The following ITPR2 variants were observed in gnomAD, a reference collection of about 807,000 sequenced individuals.
ITPR2 encodes the protein inositol 1,4,5-trisphosphate-gated calcium channel ITPR2.
A neutral mutation model predicts 317.1 loss-of-function variants in ITPR2; 207 were observed. The ratio of observed to expected loss-of-function variants is 0.65; its 90% CI spans 0.58 to 0.73. The LOEUF (loss-of-function observed/expected upper bound fraction) is 0.73. Among genes scored for constraint, ITPR2 ranks in the 30% least tolerant of loss-of-function variants. The pLI is 0.00. For synonymous variants in ITPR2, 1,156 were observed against 1,149.1 expected, an observed-to-expected ratio of 1.01 and a Z score of -0.12; for missense variants, 2,613 against 3,284.0, an observed-to-expected ratio of 0.80 and a Z score of 4.99.
At chr12:26,547,858 T>G (rs1049037008) in intron 37 of ITPR2, among the ~76,000 whole-genome samples, 4 of 152,252 alleles carry the variant, frequency 2.6e-5, no homozygotes, top group African/African-American at 9.6e-5. Flanking sequence ...TCTGCCTATG[T>G]CTTAAAATTT....
Position 26,589,853 on chromosome 12 carries a change from TACACACACAC to T in ITPR2, c.4380+5602_4380+5611del, listed in dbSNP as rs56044866. Among the ~76,000 whole-genome samples, 418 of 57,268 alleles carry T rather than the reference TACACACACAC, an allele frequency of 7.3e-3. 7 individuals carry two copies. The highest frequency in any genetic ancestry group is 0.02 in the African/African-American group (361 of 17,646). The allele number at this position is 57,268 out of a possible 152,430, so 37.6% of individuals were successfully genotyped here. On this transcript the variant is annotated intron_variant, in intron 32 of 56. Coordinates refer to ENST00000381340, the MANE Select transcript of ITPR2 (RefSeq NM_002223.4). Reference sequence around the variant, plus strand: ...ATAAACATATATATATATATATATATACACACACACACACACACACACACACACACACATA... The same window carrying T: ...ATAAACATATATATATATATATATATACACACACACACACACACACACATA...
intron 3 of ITPR2, 128 bp downstream of exon 3, chr12:26,725,522 G>A (rs1948904914): frequency 4.7e-6 from 3 of 641,504 alleles, no homozygotes. Context: ...TACTTTCAAT[G>A]TGTTGCTATA....
intron 4 of ITPR2, among the ~76,000 whole-genome samples, chr12:26,723,236 T>C (rs1392821461): frequency 6.6e-6 from 1 of 152,154 alleles, no homozygotes; most frequent in Non-Finnish European, 1.5e-5. Flanking sequence ...ATGGTCATTT[T>C]AGTACTCACA....
chr12:26,449,345 G>A (rs957895409), intron 45 of ITPR2, among the ~76,000 whole-genome samples: 3 of 152,128 alleles, frequency 2.0e-5, no homozygotes, highest in African/African-American at 7.2e-5. Flanking sequence ...CAAAAACTAA[G>A]GCTTTACGTA....
chr12:26,439,050 G>T, intron 47 of ITPR2, 77 bp downstream of exon 47: 1 of 839,910 alleles, frequency 1.2e-6, no homozygotes, highest in Non-Finnish European at 1.9e-6. Context: ...ATTTAAATGA[G>T]CTGCATCATG....
chr12:26,683,807 TA>T (rs1948080239), intron 11 of ITPR2, among the ~76,000 whole-genome samples: 2 of 152,232 alleles, frequency 1.3e-5, no homozygotes, highest in African/African-American at 4.8e-5. Flanking sequence ...TTACCGTTTT[TA>T]GTAAATCTTT....
intron 4 of ITPR2, among the ~76,000 whole-genome samples, chr12:26,724,196 G>T (rs1458709302): frequency 6.6e-6 from 1 of 151,868 alleles, no homozygotes; most frequent in Non-Finnish European, 1.5e-5. Context: ...ACACAGGAAA[G>T]GAATGCAGCT....
intron 37 of ITPR2, among the ~76,000 whole-genome samples, chr12:26,540,422 C>CT (rs1591875777): frequency 6.6e-6 from 1 of 152,052 alleles, no homozygotes; most frequent in Non-Finnish European, 1.5e-5. Context: ...AGTGATTCTC[C>CT]TTTTAGTTCC....
chr12:26,441,690 T>C (rs1424271147), intron 46 of ITPR2, among the ~76,000 whole-genome samples: 1 of 152,136 alleles, frequency 6.6e-6, no homozygotes, highest in Non-Finnish European at 1.5e-5. Flanking sequence ...CATGGATGAC[T>C]CAAAGTCACC....
chr12:26,656,414 G>A lies in ITPR2; in HGVS notation c.2327C>T (p.Ala776Val). The A allele has an allele frequency of 1.2e-6, 2 of 1,614,230 alleles. No individual in the cohort carries two copies. Among genetic ancestry groups the A allele is most frequent in the Non-Finnish European group, 1.7e-6 (2 of 1,180,044 alleles). ...GTGGAGCATGAGGCGACAGAAGGAC[G>A]CTCGGAGGTCGAACGGCAGGCTCTC... ...SDESLPFDLR[A>V]SFCRLMLHMH... Residue 776 changes from alanine to valine, a missense_variant, in exon 19 of 57, where the codon GCG (alanine) becomes GTG (valine). Ala to Val is a moderately conservative substitution (Grantham distance 64). This residue lies in a region of ITPR2 where 817 missense variants were observed against 897.6 expected (regional missense o/e 0.91). Transcript: ENST00000381340.
At position 26,832,858 on chromosome 12, in the gene ITPR2, G is replaced by A; in HGVS notation, c.-77C>T. 2.6e-6 allele frequency: 3 copies of A among 1,169,954 alleles called. No individual in the cohort carries two copies. Among genetic ancestry groups the A allele is most frequent in the South Asian group, 1.3e-5 (1 of 78,442 alleles). 72.5% of individuals were successfully genotyped at this position (1,169,954 alleles called of 1,614,324 possible). The stretch of plus-strand genomic sequence containing the variant: ...GCCCTCTCTCCAGGGAGCCGCCGCG[G>A]CAGAAGCGGATCGGATCGCGGGACT... On this transcript the variant is annotated 5_prime_UTR_variant, in exon 1 of 57. Transcript: ENST00000381340.
chr12:26,776,760 T>G (rs1193371861), intron 2 of ITPR2, among the ~76,000 whole-genome samples: 1 of 152,182 alleles, frequency 6.6e-6, no homozygotes, highest in African/African-American at 2.4e-5. Context: ...CTGCACTGCC[T>G]GAAGCAACAG....
chr12:26,340,450 A>G (rs1938071913), intron 55 of ITPR2, 122 bp from the exon 56 acceptor site: 1 of 1,040,806 alleles, frequency 9.6e-7, no homozygotes, highest in Admixed American at 3.6e-5. Flanking sequence ...GAGAGAGAAA[A>G]CCTGGCATAG....
chr12:26,574,639 G>A (rs566447336), intron 34 of ITPR2, among the ~76,000 whole-genome samples: 8 of 152,232 alleles, frequency 5.3e-5, no homozygotes, highest in South Asian at 2.1e-4. Context: ...AATACCTGGC[G>A]CTGGATAATT....
chr12:26,436,001 T>C (rs895218187), intron 48 of ITPR2, among the ~76,000 whole-genome samples: 7 of 152,206 alleles, frequency 4.6e-5, no homozygotes, highest in Admixed American at 2.0e-4. Flanking sequence ...TTTGCCAAGA[T>C]ATAATATAGC....
chr12:26,600,158 A>G (rs770714073), intron 28 of ITPR2, 49 bp from the exon 29 acceptor site: 4 of 1,526,056 alleles, frequency 2.6e-6, no homozygotes, highest in Middle Eastern at 1.7e-4. Flanking sequence ...AGGAGACAGC[A>G]AATGTTATGC....
intron 34 of ITPR2, among the ~76,000 whole-genome samples, chr12:26,573,926 G>A (rs11048586): frequency 0.65 from 98,100 of 151,980 alleles, 32,789 homozygotes; most frequent in Non-Finnish European, 0.75. Flanking sequence ...TGTGCAGGCA[G>A]TGGATTGCAG....
intron 1 of ITPR2, among the ~76,000 whole-genome samples, chr12:26,822,443 G>A (rs992596130): frequency 6.6e-6 from 1 of 152,138 alleles, no homozygotes; most frequent in African/African-American, 2.4e-5. Context: ...CCAAGTGGGA[G>A]ACTCGTGTAT....
chr12:26,753,207 G>A (rs1949456515), intron 2 of ITPR2, among the ~76,000 whole-genome samples: 1 of 152,262 alleles, frequency 6.6e-6, no homozygotes, highest in Non-Finnish European at 1.5e-5. Flanking sequence ...AACTTAGGAT[G>A]GTTAGAGTCC....
Sources: gnomAD v4.1 joint callset for allele counts (sites outside exome capture counted in the v4.1 genomes callset) on GRCh38, gnomAD v4.1.1 for gene constraint, gnomAD v4.1.1 regional missense constraint, MANE v1.5 for transcripts, NCBI Gene and HGNC (gene_info 2026-07-23, HGNC 2026-07-21) for gene names.